Variants in PCDHA2 observed in about 807,000 individuals in gnomAD.
PCDHA2 encodes protocadherin alpha 2.
A neutral mutation model predicts 66.0 loss-of-function variants in PCDHA2; 58 were observed. The ratio of observed to expected loss-of-function variants is 0.88; its 90% CI spans 0.71 to 1.09. The LOEUF (loss-of-function observed/expected upper bound fraction) is 1.09, where lower values mean the gene tolerates loss of function less well. PCDHA2 is among the 50% of genes least tolerant of loss of function. The pLI, the probability that PCDHA2 is intolerant of heterozygous loss-of-function variation, is 0.00. For missense variants in PCDHA2, 1,267 were observed against 1,242.3 expected, an observed-to-expected ratio of 1.02 and a Z score of -0.30; for synonymous variants, 634 against 554.0, an observed-to-expected ratio of 1.14 and a Z score of -2.03.
At position 140,843,586 on chromosome 5, in the gene PCDHA2, G is replaced by A. The variant is rs2150363126; in HGVS notation, c.2388+46234G>A. 23 of 1,596,010 alleles carry A rather than the reference G, an allele frequency of 1.4e-5. 4 individuals carry two copies. The highest frequency in any genetic ancestry group is 5.4e-5 in the African/African-American group (4 of 74,542). ...GCTGGTCATACTCGCAACAACAGCC[G>A]CAGAGGGTGTGCTCTGGTGAGGGGC... On this transcript the variant is annotated intron_variant, in intron 1 of 3. Coordinates refer to ENST00000526136, the MANE Select transcript of PCDHA2 (RefSeq NM_018905.3).
At chr5:140,802,426 A>G in intron 1 of PCDHA2, 1 of 1,614,230 alleles carries the variant, frequency 6.2e-7, no homozygotes, top group Non-Finnish European at 8.5e-7. Flanking sequence ...TTGGTGCTGG[A>G]CAGCCCTCTG....
chr5:140,889,025 A>G (rs2062065518), intron 1 of PCDHA2, among the ~76,000 whole-genome samples: 1 of 152,068 alleles, frequency 6.6e-6, no homozygotes, highest in South Asian at 2.1e-4. Flanking sequence ...TTCCTTGGAT[A>G]ACCGTAATTT....
At chr5:140,827,941 C>T in intron 1 of PCDHA2, 1 of 1,174,956 alleles carries the variant, frequency 8.5e-7, no homozygotes, top group Admixed American at 2.3e-5. Flanking sequence ...TATAGCTAGC[C>T]AACATTCAAA....
chr5:141,000,418 T>TAA (rs2097924814), intron 3 of PCDHA2, among the ~76,000 whole-genome samples: 1 of 83,682 alleles, frequency 1.2e-5, no homozygotes, highest in Non-Finnish European at 2.2e-5. Context: ...TATATATATA[T>TAA]ATATTTTTTT....
In PCDHA2 at chr5:140,796,792, G is replaced by GT; in HGVS notation, c.1828_1829insT (p.Glu610ValfsTer21). On this transcript the variant is annotated frameshift_variant, in exon 1 of 4. Coordinates refer to ENST00000526136, the MANE Select transcript of PCDHA2 (RefSeq NM_018905.3). LOFTEE classifies it high-confidence loss of function. Reference sequence around the variant, plus strand: ...AGGCTACAACGCGTGGCTTTCGTACGAGCTTCAGCTGGGTACTGGCAGCGC... The same window carrying GT: ...AGGCTACAACGCGTGGCTTTCGTACGTAGCTTCAGCTGGGTACTGGCAGCGC... 6.2e-7 allele frequency: 1 copy of GT among 1,614,160 alleles called. No individual in the cohort carries two copies. The highest frequency in any genetic ancestry group is 1.1e-5 in the South Asian group (1 of 91,088).
chr5:140,939,613 A>T (rs2092423002), intron 1 of PCDHA2, among the ~76,000 whole-genome samples: 1 of 152,232 alleles, frequency 6.6e-6, no homozygotes, highest in African/African-American at 2.4e-5. Context: ...CAGAACAAGG[A>T]GACAAAAGAA....
At chr5:140,991,440 C>T (rs2097452926) in intron 3 of PCDHA2, among the ~76,000 whole-genome samples, 1 of 152,190 alleles carries the variant, frequency 6.6e-6, no homozygotes, top group Non-Finnish European at 1.5e-5. Context: ...AACTTCATGG[C>T]TTAAAACAAC....
intron 1 of PCDHA2, chr5:140,804,036 T>G (rs1554123025): frequency 5.5e-6 from 1 of 181,138 alleles, no homozygotes; most frequent in East Asian, 1.6e-4. Flanking sequence ...CACCTAATGC[T>G]TATAACTCCC....
At chr5:141,001,476 G>A (rs1554258187) in intron 3 of PCDHA2, among the ~76,000 whole-genome samples, 1 of 152,226 alleles carries the variant, frequency 6.6e-6, no homozygotes, top group Admixed American at 6.5e-5. Flanking sequence ...CAGCAGCGGG[G>A]AAGTGCTGGA....
intron 1 of PCDHA2, among the ~76,000 whole-genome samples, chr5:140,956,034 A>C (rs1274584028): frequency 1.3e-5 from 2 of 152,200 alleles, no homozygotes; most frequent in Non-Finnish European, 2.9e-5. Flanking sequence ...TTATCAGCTT[A>C]AGAAGCTTTT....
chr5:140,851,970 CTACCTT>C, intron 1 of PCDHA2: 3 of 977,062 alleles, frequency 3.1e-6, no homozygotes, highest in Non-Finnish European at 2.5e-6. Context: ...TTTCCACACT[CTACCTT>C]TAGTGCAAGC....
chr5:140,864,410 A>T (rs1310180872), intron 1 of PCDHA2: 3 of 152,244 alleles, frequency 2.0e-5, no homozygotes, highest in Admixed American at 6.5e-5. Flanking sequence ...AGCAGGGTTG[A>T]GGCAGCTTCG....
At chr5:140,823,139 C>A (rs1317356250) in intron 1 of PCDHA2, 1 of 1,613,696 alleles carries the variant, frequency 6.2e-7, no homozygotes, top group African/African-American at 1.3e-5. Flanking sequence ...CCGGCGTTCG[C>A]GCAGCCCCAG....
At chr5:140,881,507 C>A in intron 1 of PCDHA2, 1 of 231,112 alleles carries the variant, frequency 4.3e-6, no homozygotes, top group Non-Finnish European at 7.1e-6. Context: ...CACACACTCA[C>A]ATACAAAATC....
chr5:140,836,043 T>A (rs147222848), intron 1 of PCDHA2: 18 of 1,613,268 alleles, frequency 1.1e-5, no homozygotes, highest in Non-Finnish European at 1.5e-5. Flanking sequence ...GCTGCAGGTG[T>A]TCGTGCTGGA....
Position 140,879,462 on chromosome 5 carries a change from G to A in PCDHA2, c.2388+82110G>A, listed in dbSNP as rs927340529. 2.0e-5 allele frequency among the ~76,000 whole-genome samples: 3 copies of A among 152,180 alleles called. No individual in the cohort carries two copies. The South Asian group carries it at 6.2e-4, about 32-fold the overall frequency. ...AAAATGTTACTTTGAAGTCCTAAGAGAATACCGTTGTGATTGGAAATATGG... is the reference window on the plus strand; with the variant it reads ...AAAATGTTACTTTGAAGTCCTAAGAAAATACCGTTGTGATTGGAAATATGG... On this transcript the variant is annotated intron_variant, in intron 1 of 3. Coordinates refer to ENST00000526136, the MANE Select transcript of PCDHA2 (RefSeq NM_018905.3).
chr5:140,951,841 AAAAGTCC>A (rs1266500275), intron 1 of PCDHA2, among the ~76,000 whole-genome samples: 1 of 152,182 alleles, frequency 6.6e-6, no homozygotes, highest in African/African-American at 2.4e-5. Context: ...GCATTAAGCC[AAAAGTCC>A]AAAGTCCAAA....
intron 1 of PCDHA2, among the ~76,000 whole-genome samples, chr5:140,917,333 G>C (rs1301739777): frequency 6.7e-5 from 10 of 148,748 alleles, no homozygotes; most frequent in East Asian, 2.0e-4. Flanking sequence ...GCGGGGGAGG[G>C]GGGGGATGGT....
chr5:140,883,447 C>T (rs967998655), intron 1 of PCDHA2: 13 of 1,614,168 alleles, frequency 8.1e-6, no homozygotes, highest in Non-Finnish European at 1.0e-5. Flanking sequence ...CGCCGCATGT[C>T]CCCTTCAAGC....
Sources: gnomAD v4.1 joint callset for allele counts (sites outside exome capture counted in the v4.1 genomes callset) on GRCh38, gnomAD v4.1.1 for gene constraint, MANE v1.5 for transcripts, NCBI Gene and HGNC (gene_info 2026-07-23, HGNC 2026-07-21) for gene names.